The following DCC variants were observed in gnomAD, a reference collection of about 807,000 sequenced individuals.
DCC encodes the protein DCC netrin 1 receptor.
A neutral mutation model predicts 172.5 loss-of-function variants in DCC; 58 were observed. The ratio of observed to expected loss-of-function variants is 0.34; its 90% CI spans 0.27 to 0.42. The LOEUF is 0.42. Among genes scored for constraint, DCC ranks in the 10% least tolerant of loss-of-function variants. DCC has a pLI of 1.00. For synonymous variants in DCC, 709 were observed against 644.5 expected, an observed-to-expected ratio of 1.10 and a Z score of -1.52; for missense variants, 1,740 against 1,791.0, an observed-to-expected ratio of 0.97 and a Z score of 0.51.
chr18:53,208,574 G>T (rs1046995855), intron 11 of DCC, among the ~76,000 whole-genome samples: 3 of 152,042 alleles, frequency 2.0e-5, no homozygotes, highest in Non-Finnish European at 4.4e-5. Context: ...CAAATAAGCT[G>T]ATATTAAAAT....
intron 21 of DCC, among the ~76,000 whole-genome samples, chr18:53,429,311 A>G (rs547757351): frequency 3.3e-3 from 244 of 74,510 alleles, no homozygotes; most frequent in Non-Finnish European, 6.7e-3. Context: ...AAGACCCATT[A>G]TCAGGCTAAG....
intron 1 of DCC, among the ~76,000 whole-genome samples, chr18:52,539,684 T>C (rs939802628): frequency 3.9e-5 from 6 of 152,204 alleles, no homozygotes; most frequent in African/African-American, 1.4e-4. Flanking sequence ...CAATTATATT[T>C]GGAACTGCTG....
intron 1 of DCC, 93 bp from the exon 2 acceptor site, chr18:52,751,961 T>C: frequency 9.0e-7 from 1 of 1,113,702 alleles, no homozygotes; most frequent in Non-Finnish European, 1.3e-6. Flanking sequence ...GCCCTCAGCT[T>C]TTGTGAAAAG....
At chr18:53,370,619 GTTGT>G (rs1347569815) in intron 15 of DCC, among the ~76,000 whole-genome samples, 2 of 151,660 alleles carry the variant, frequency 1.3e-5, no homozygotes, top group Admixed American at 6.6e-5. Context: ...AATTTCCTTT[GTTGT>G]TTAAGAGTGT....
intron 22 of DCC, among the ~76,000 whole-genome samples, chr18:53,444,033 T>C (rs548144149): frequency 6.6e-6 from 1 of 152,338 alleles, no homozygotes; most frequent in South Asian, 2.1e-4. Flanking sequence ...CTAGTGAAGA[T>C]GTTGTGAATA....
intron 12 of DCC, among the ~76,000 whole-genome samples, chr18:53,262,681 A>C (rs548184877): frequency 6.6e-6 from 1 of 152,232 alleles, no homozygotes. Context: ...CCTTTTCTGC[A>C]TAGACATTCT....
At chr18:52,668,230 A>G (rs996442417) in intron 1 of DCC, among the ~76,000 whole-genome samples, 1 of 152,196 alleles carries the variant, frequency 6.6e-6, no homozygotes, top group Non-Finnish European at 1.5e-5. Context: ...CATGTGTTTG[A>G]GAATTTCAGA....
chr18:52,468,943 A>G (rs1235877550), intron 1 of DCC, among the ~76,000 whole-genome samples: 1 of 152,180 alleles, frequency 6.6e-6, no homozygotes, highest in Non-Finnish European at 1.5e-5. Flanking sequence ...TTACCTTTGG[A>G]CCACTGACAT....
chr18:53,086,623 C>T lies in DCC; in HGVS notation c.1261+20457C>T, dbSNP rs1416445171. ...CTTCTTCTTCTTCTTCTTTCTTCTT[C>T]TTGTTTTAGGGTACATGTGCATAAT... On this transcript the variant is annotated intron_variant, in intron 7 of 28. Transcript: ENST00000442544. Among the ~76,000 whole-genome samples, 2 of 25,782 alleles carry T rather than the reference C, an allele frequency of 7.8e-5. 1 individual carries two copies. Among genetic ancestry groups the T allele is most frequent in the Non-Finnish European group, 1.5e-4 (2 of 12,960 alleles). The allele number at this position is 25,782 out of a possible 152,430, so 16.9% of individuals were successfully genotyped here.
intron 1 of DCC, among the ~76,000 whole-genome samples, chr18:52,622,666 C>G (rs2034501257): frequency 6.6e-6 from 1 of 152,128 alleles, no homozygotes. Context: ...TCAGCAAGAT[C>G]CCAGGTTATG....
intron 1 of DCC, among the ~76,000 whole-genome samples, chr18:52,448,591 T>C (rs1186699828): frequency 6.6e-6 from 1 of 151,998 alleles, no homozygotes; most frequent in Admixed American, 6.6e-5. Flanking sequence ...ATTGAAATGG[T>C]TAGGTAGGTG....
intron 1 of DCC, among the ~76,000 whole-genome samples, chr18:52,516,145 G>C (rs1004675777): frequency 6.6e-6 from 1 of 152,028 alleles, no homozygotes; most frequent in East Asian, 1.9e-4. Context: ...ATTGCTGGTG[G>C]CATGTAAAAT....
intron 12 of DCC, among the ~76,000 whole-genome samples, chr18:53,287,472 T>C (rs1206314674): frequency 6.6e-6 from 1 of 152,208 alleles, no homozygotes; most frequent in East Asian, 1.9e-4. Flanking sequence ...TATATGTAGA[T>C]ATATGTTTTC....
At chr18:53,334,763 A>G (rs111536137) in intron 14 of DCC, among the ~76,000 whole-genome samples, 3 of 152,150 alleles carry the variant, frequency 2.0e-5, no homozygotes, top group East Asian at 1.9e-4. Flanking sequence ...CAAAAATTCA[A>G]TTGTTTCCTT....
chr18:52,439,601 G>C (rs1038056013), intron 1 of DCC, among the ~76,000 whole-genome samples: 3 of 152,146 alleles, frequency 2.0e-5, no homozygotes, highest in Non-Finnish European at 4.4e-5. Flanking sequence ...TTATGATAAC[G>C]AGGTTTGTTT....
At chr18:52,597,267 T>C (rs1408424721) in intron 1 of DCC, among the ~76,000 whole-genome samples, 3 of 152,174 alleles carry the variant, frequency 2.0e-5, no homozygotes, top group Non-Finnish European at 4.4e-5. Flanking sequence ...TCTGACCCTT[T>C]TGTGTTATAG....
chr18:52,477,744 A>G (rs1989134989), intron 1 of DCC, among the ~76,000 whole-genome samples: 1 of 152,184 alleles, frequency 6.6e-6, no homozygotes. Context: ...ATGTTTGACA[A>G]TCAGAACTCT....
chr18:53,394,362 A>T (rs1908776298), intron 17 of DCC, among the ~76,000 whole-genome samples: 1 of 152,192 alleles, frequency 6.6e-6, no homozygotes, highest in Non-Finnish European at 1.5e-5. Flanking sequence ...AGGTGACCCA[A>T]TGGCATCATC....
At chr18:53,143,077 G>A (rs989779941) in intron 7 of DCC, among the ~76,000 whole-genome samples, 1 of 152,158 alleles carries the variant, frequency 6.6e-6, no homozygotes, top group Non-Finnish European at 1.5e-5. Context: ...TGACATCACT[G>A]AGGATAATAA....
Sources: gnomAD v4.1 joint callset for allele counts (sites outside exome capture counted in the v4.1 genomes callset) on GRCh38, gnomAD v4.1.1 for gene constraint, MANE v1.5 for transcripts, NCBI Gene and HGNC (gene_info 2026-07-23, HGNC 2026-07-21) for gene names.